Variants in SPIRE1 observed in about 807,000 individuals in gnomAD.
SPIRE1 encodes protein spire homolog 1.
In SPIRE1, 40 loss-of-function variants were observed where a neutral mutation model predicts 94.1. That is an observed-to-expected ratio of 0.43 (90% CI 0.33 to 0.55). The LOEUF (loss-of-function observed/expected upper bound fraction) is 0.55. Ranked by LOEUF, SPIRE1 falls within the 20% of genes least tolerant of loss-of-function variation. SPIRE1 has a pLI of 0.06. For synonymous variants in SPIRE1, 376 were observed against 371.7 expected, an observed-to-expected ratio of 1.01 and a Z score of -0.13; for missense variants, 838 against 975.2, an observed-to-expected ratio of 0.86 and a Z score of 1.87.
At chr18:12,626,044 C>A (rs554679217) in intron 2 of SPIRE1, among the ~76,000 whole-genome samples, 1 of 69,484 alleles carries the variant, frequency 1.4e-5, no homozygotes, top group African/African-American at 4.4e-5. Context: ...ACCGCCCCGC[C>A]CCCCCCCAAA....
intron 5 of SPIRE1, 44 bp from the exon 6 acceptor site, chr18:12,506,685 T>C (rs1391624168): frequency 2.6e-6 from 4 of 1,563,456 alleles, no homozygotes; most frequent in Non-Finnish European, 3.5e-6. Flanking sequence ...ATAAATGTAC[T>C]AGTTTCTTCT....
intron 4 of SPIRE1, among the ~76,000 whole-genome samples, chr18:12,521,960 C>T (rs1567907342): frequency 6.6e-6 from 1 of 152,160 alleles, no homozygotes; most frequent in Non-Finnish European, 1.5e-5. Flanking sequence ...CCTCCCTATT[C>T]CGTGAGACAC....
At chr18:12,609,927 C>G (rs1035098919) in intron 2 of SPIRE1, among the ~76,000 whole-genome samples, 2 of 151,948 alleles carry the variant, frequency 1.3e-5, no homozygotes, top group Non-Finnish European at 2.9e-5. Flanking sequence ...CACCTTTTTG[C>G]TCCAGACTAA....
intron 2 of SPIRE1, among the ~76,000 whole-genome samples, chr18:12,614,148 C>A (rs2037219377): frequency 6.6e-6 from 1 of 152,122 alleles, no homozygotes; most frequent in Non-Finnish European, 1.5e-5. Context: ...TTAGTCCTAG[C>A]TAGTTGGGAG....
At chr18:12,476,385 A>T (rs969135947) in intron 10 of SPIRE1, among the ~76,000 whole-genome samples, 6 of 151,208 alleles carry the variant, frequency 4.0e-5, no homozygotes, top group African/African-American at 1.2e-4. Flanking sequence ...ATAAAAATAT[A>T]AAAAAATTAG....
At chr18:12,510,690 GCA>G (rs2034008521) in intron 5 of SPIRE1, among the ~76,000 whole-genome samples, 1 of 151,938 alleles carries the variant, frequency 6.6e-6, no homozygotes, top group African/African-American at 2.4e-5. Context: ...TTACAGGTGT[GCA>G]CCACCACACC....
chr18:12,524,846 G>A (rs1268301647), intron 4 of SPIRE1, among the ~76,000 whole-genome samples: 1 of 152,040 alleles, frequency 6.6e-6, no homozygotes, highest in Non-Finnish European at 1.5e-5. Context: ...AACCATGGTG[G>A]TGAACACCTG....
At chr18:12,485,304 A>G (rs1164322245) in intron 9 of SPIRE1, among the ~76,000 whole-genome samples, 1 of 151,984 alleles carries the variant, frequency 6.6e-6, no homozygotes, top group Non-Finnish European at 1.5e-5. Flanking sequence ...ACGGGGTTTC[A>G]CCGTGTTAGC....
chr18:12,546,839 T>C lies in SPIRE1; in HGVS notation c.438A>G (p.Glu146=). ...GCTCTAGGGGAGGGCTTAATTCCCT[T>C]TCTTCATTCTCCTTCAAACCATAGT... ...ALDYGLKENE[E]RELSPPLEQL... is the part of the protein sequence containing the mutation. Residue 146 remains glutamate (E), a synonymous_variant, in exon 3 of 17, where the codon GAA becomes GAG. Coordinates refer to ENST00000409402, the MANE Select transcript of SPIRE1 (RefSeq NM_001128626.2). 6.2e-7 allele frequency: 1 copy of C among 1,614,126 alleles called. No homozygotes were observed. The highest frequency in any genetic ancestry group is 8.5e-7 in the Non-Finnish European group (1 of 1,180,006).
At chr18:12,547,036 A>G in intron 2 of SPIRE1, 132 bp from the exon 3 acceptor site, 1 of 586,934 alleles carries the variant, frequency 1.7e-6, no homozygotes, top group East Asian at 2.8e-5. Context: ...CCCTTTTTAT[A>G]TTCTCTTAGA....
At chr18:12,481,257 T>G (rs940028446) in intron 9 of SPIRE1, among the ~76,000 whole-genome samples, 1 of 151,822 alleles carries the variant, frequency 6.6e-6, no homozygotes, top group Non-Finnish European at 1.5e-5. Context: ...AGTGAGACTG[T>G]GTCTCAAAAA....
intron 4 of SPIRE1, among the ~76,000 whole-genome samples, chr18:12,533,536 C>T (rs138594569): frequency 1.3e-5 from 2 of 152,236 alleles, no homozygotes; most frequent in East Asian, 3.9e-4. Context: ...CAAGAGCAAA[C>T]ATTTTTTAAA....
intron 2 of SPIRE1, among the ~76,000 whole-genome samples, chr18:12,589,809 A>C (rs1348527725): frequency 9.9e-5 from 15 of 152,214 alleles, no homozygotes; most frequent in Admixed American, 9.8e-4. Flanking sequence ...TCTATGTCAA[A>C]ACAGGGAAGC....
intron 2 of SPIRE1, among the ~76,000 whole-genome samples, chr18:12,602,089 A>G (rs1354574536): frequency 6.6e-6 from 1 of 152,180 alleles, no homozygotes; most frequent in Non-Finnish European, 1.5e-5. Context: ...GTGTGCACAT[A>G]TAACGTTTAC....
At chr18:12,606,218 A>G (rs1331406477) in intron 2 of SPIRE1, among the ~76,000 whole-genome samples, 1 of 151,738 alleles carries the variant, frequency 6.6e-6, no homozygotes, top group Non-Finnish European at 1.5e-5. Context: ...CTTATATATT[A>G]TCTGTAAGTA....
chr18:12,472,706 C>G (rs973558394), intron 10 of SPIRE1, among the ~76,000 whole-genome samples: 2 of 151,406 alleles, frequency 1.3e-5, no homozygotes, highest in African/African-American at 4.9e-5. Context: ...GTCACCCAGG[C>G]TGGAGTGCAG....
intron 4 of SPIRE1, among the ~76,000 whole-genome samples, chr18:12,521,318 T>G (rs939554040): frequency 6.6e-6 from 1 of 151,984 alleles, no homozygotes; most frequent in African/African-American, 2.4e-5. Context: ...CCTTTCGCTT[T>G]GTTGTACATA....
At chr18:12,457,794 G>T (rs2031584761) in intron 12 of SPIRE1, among the ~76,000 whole-genome samples, 1 of 150,950 alleles carries the variant, frequency 6.6e-6, no homozygotes, top group African/African-American at 2.4e-5. Context: ...GTAAAATTTT[G>T]GTTATTGTGC....
At chr18:12,473,500 CAGT>C (rs1361782225) in intron 10 of SPIRE1, among the ~76,000 whole-genome samples, 2 of 152,112 alleles carry the variant, frequency 1.3e-5, no homozygotes, top group Non-Finnish European at 2.9e-5. Flanking sequence ...AAATAAAATA[CAGT>C]AGGTTATTAC....
Sources: allele counts gnomAD v4.1 joint callset (sites outside exome capture counted in the v4.1 genomes callset), GRCh38; gene constraint gnomAD v4.1.1; transcripts MANE v1.5; gene names NCBI Gene and HGNC (gene_info 2026-07-23, HGNC 2026-07-21).